The following EFL1 variants were observed in gnomAD, a reference collection of about 807,000 sequenced individuals.
EFL1 encodes elongation factor-like GTPase 1.
In EFL1, 76 loss-of-function variants were observed where a neutral mutation model predicts 126.7. The observed-to-expected ratio is 0.60, with a 90% CI of 0.50 to 0.73. The LOEUF is 0.73. EFL1 is among the 30% of genes least tolerant of loss of function. The probability of loss-of-function intolerance (pLI) is 0.00; values close to 1 mark genes in which losing one functional copy is unlikely to be tolerated. For missense variants in EFL1, 1,128 were observed against 1,343.2 expected, an observed-to-expected ratio of 0.84 and a Z score of 2.50; for synonymous variants, 410 against 448.4, an observed-to-expected ratio of 0.91 and a Z score of 1.08.
At chr15:82,188,777 A>G (rs1236312317) in intron 15 of EFL1, among the ~76,000 whole-genome samples, 4 of 152,144 alleles carry the variant, frequency 2.6e-5, no homozygotes, top group African/African-American at 9.7e-5. Flanking sequence ...GTTGTTCTCT[A>G]TTCTTTCCTC....
chr15:82,236,417 T>C (rs1440381200), intron 7 of EFL1, among the ~76,000 whole-genome samples: 2 of 152,204 alleles, frequency 1.3e-5, no homozygotes, highest in East Asian at 3.8e-4. Context: ...ATTTCAAGAC[T>C]TATTATGCAG....
intron 3 of EFL1, among the ~76,000 whole-genome samples, chr15:82,256,941 C>A (rs1193707101): frequency 6.6e-6 from 1 of 152,174 alleles, no homozygotes; most frequent in Non-Finnish European, 1.5e-5. Flanking sequence ...CTATCCTTAA[C>A]AGACTTTTGG....
In EFL1 at chr15:82,204,385, T is replaced by TAA. The variant is rs1491528219; in HGVS notation, c.1750+10331_1750+10332insTT. Reference sequence around the variant, plus strand: ...TAAAAAATACCTTTCCTTTTGGAAATCAAAAAAAAAAAATCTACTTAACCA... The same window carrying TAA: ...TAAAAAATACCTTTCCTTTTGGAAATAACAAAAAAAAAAAATCTACTTAACCA... On this transcript the variant is annotated intron_variant, in intron 15 of 19. Transcript: ENST00000268206. 6.5e-4 allele frequency among the ~76,000 whole-genome samples: 85 copies of TAA among 130,506 alleles called. 2 individuals are homozygous for TAA. Among genetic ancestry groups the TAA allele is most frequent in the Admixed American group, 4.2e-3 (58 of 13,824 alleles). The allele number at this position is 130,506 out of a possible 152,430, so 85.6% of individuals were successfully genotyped here.
intron 12 of EFL1, among the ~76,000 whole-genome samples, chr15:82,221,363 T>C (rs894960649): frequency 6.6e-6 from 1 of 152,150 alleles, no homozygotes; most frequent in Admixed American, 6.5e-5. Flanking sequence ...TCCCTACTTG[T>C]CTTCCAAATG....
chr15:82,210,505 G>C (rs1031702673), intron 15 of EFL1, among the ~76,000 whole-genome samples: 1 of 152,162 alleles, frequency 6.6e-6, no homozygotes, highest in Non-Finnish European at 1.5e-5. Context: ...CATCAGCCCC[G>C]AGACATGTGC....
At chr15:82,257,393 T>C (rs890640541) in intron 3 of EFL1, among the ~76,000 whole-genome samples, 5 of 152,150 alleles carry the variant, frequency 3.3e-5, no homozygotes, top group African/African-American at 9.7e-5. Context: ...AAGTCATTCA[T>C]TCAAAAATAT....
chr15:82,252,765 A>C lies in EFL1; in HGVS notation c.170T>G (p.Met57Arg). The C allele has an allele frequency of 6.3e-7, 1 of 1,595,854 alleles. No homozygotes were observed. Among genetic ancestry groups the C allele is most frequent in the Non-Finnish European group, 8.6e-7 (1 of 1,164,364 alleles). ...SSRLAGKLRY[M>R]DSREDEQIRG... is the part of the protein sequence containing the mutation. ...GATCTGTTCATCTTCTCTGCTGTCCATGTACCTTAACTGGAAAAATGCAAC... is the reference window on the plus strand; with the variant it reads ...GATCTGTTCATCTTCTCTGCTGTCCCTGTACCTTAACTGGAAAAATGCAAC... Residue 57 changes from methionine to arginine, a missense_variant, in exon 4 of 20, where the codon ATG becomes AGG. Around this residue, in one of 6 missense-constraint regions of EFL1, gnomAD observed 118 missense variants for 188.1 expected, o/e 0.63. Transcript: ENST00000268206.
rs755655670 is a variant in EFL1 at position 82,195,977 on chromosome 15, C to T, written c.1750+18740G>A. 2.2e-4 allele frequency among the ~76,000 whole-genome samples: 33 copies of T among 152,046 alleles called. 1 individual carries two copies. The highest frequency in any genetic ancestry group is 1.4e-3 in the Admixed American group (21 of 15,258). On this transcript the variant is annotated intron_variant, in intron 15 of 19. Transcript: ENST00000268206. ...AAGAGCCAGATGTATCTGTCTGACGCAGTTGGGGAAGGCTTCCAAGAGGCG... is the reference window on the plus strand; with the variant it reads ...AAGAGCCAGATGTATCTGTCTGACGTAGTTGGGGAAGGCTTCCAAGAGGCG...
At position 82,201,035 on chromosome 15, in the gene EFL1, T is replaced by C. The variant is rs1424506280; in HGVS notation, c.1750+13682A>G. On this transcript the variant is annotated intron_variant, in intron 15 of 19. Coordinates refer to ENST00000268206, the MANE Select transcript of EFL1 (RefSeq NM_024580.6). ...CTACATGCAAGTGCCACCATGCCTGTTTTTTTATTTTTCTATTGTTTGTAG... is the reference window on the plus strand; with the variant it reads ...CTACATGCAAGTGCCACCATGCCTGCTTTTTTATTTTTCTATTGTTTGTAG... Among the ~76,000 whole-genome samples the C allele has an allele frequency of 1.3e-5, 2 of 152,212 alleles. 1 individual carries two copies. Among genetic ancestry groups the C allele is most frequent in the African/African-American group, 4.8e-5 (2 of 41,450 alleles).
At chr15:82,261,388 T>C (rs922778788) in intron 2 of EFL1, among the ~76,000 whole-genome samples, 3 of 152,200 alleles carry the variant, frequency 2.0e-5, no homozygotes, top group African/African-American at 7.2e-5. Flanking sequence ...CTAAGGACAT[T>C]ATGTCAAGAC....
At chr15:82,258,778 T>A (rs1268447536) in intron 3 of EFL1, among the ~76,000 whole-genome samples, 1 of 152,236 alleles carries the variant, frequency 6.6e-6, no homozygotes, top group African/African-American at 2.4e-5. Flanking sequence ...AGCTTTTCTG[T>A]CTTCTCCTCA....
At chr15:82,164,093 C>A in intron 15 of EFL1, 109 bp from the exon 16 acceptor site, 1 of 1,377,490 alleles carries the variant, frequency 7.3e-7, no homozygotes, top group Admixed American at 2.4e-5. Flanking sequence ...CCAAATGCTT[C>A]CAAAATGTTG....
chr15:82,136,553 C>T (rs566031330), intron 19 of EFL1, among the ~76,000 whole-genome samples: 2 of 152,310 alleles, frequency 1.3e-5, no homozygotes, highest in East Asian at 3.9e-4. Flanking sequence ...CACATCTGGT[C>T]ACTAAAACCT....
intron 16 of EFL1, among the ~76,000 whole-genome samples, chr15:82,160,225 G>C (rs530281768): frequency 6.6e-6 from 1 of 152,352 alleles, no homozygotes; most frequent in African/African-American, 2.4e-5. Context: ...AAACAGTCAT[G>C]TAGAGAGGAA....
chr15:82,149,099 C>T (rs1236951222), intron 18 of EFL1, among the ~76,000 whole-genome samples: 1 of 151,680 alleles, frequency 6.6e-6, no homozygotes, highest in East Asian at 1.9e-4. Flanking sequence ...GACAAGGACA[C>T]ATGAAAAAAA....
chr15:82,153,984 C>T (rs1032489583), intron 17 of EFL1, among the ~76,000 whole-genome samples: 4 of 152,170 alleles, frequency 2.6e-5, no homozygotes, highest in Non-Finnish European at 5.9e-5. Flanking sequence ...GCTTCTGAAA[C>T]TACGAGAGAG....
chr15:82,247,156 A>G (rs1200309480), intron 4 of EFL1, among the ~76,000 whole-genome samples: 1 of 152,248 alleles, frequency 6.6e-6, no homozygotes, highest in Admixed American at 6.5e-5. Flanking sequence ...ATGAAGTCAA[A>G]GAATGGGTAC....
intron 15 of EFL1, among the ~76,000 whole-genome samples, chr15:82,187,765 T>C (rs1595970232): frequency 6.6e-6 from 1 of 152,300 alleles, no homozygotes; most frequent in Non-Finnish European, 1.5e-5. Context: ...ATATGCACAG[T>C]ATCTAAAATG....
intron 16 of EFL1, among the ~76,000 whole-genome samples, chr15:82,158,429 C>T (rs1462460051): frequency 6.6e-6 from 1 of 152,032 alleles, no homozygotes; most frequent in Non-Finnish European, 1.5e-5. Context: ...ATTGCTTTTT[C>T]CTGGGAGTTG....
Sources: gnomAD v4.1 joint callset for allele counts (sites outside exome capture counted in the v4.1 genomes callset) on GRCh38, gnomAD v4.1.1 for gene constraint, gnomAD v4.1.1 regional missense constraint, MANE v1.5 for transcripts, NCBI Gene and HGNC (gene_info 2026-07-23, HGNC 2026-07-21) for gene names.